CARMIL1: variants seen among roughly 807,000 people sequenced by gnomAD.
CARMIL1 encodes F-actin-uncapping protein LRRC16A.
A neutral mutation model predicts 177.1 loss-of-function variants in CARMIL1; 90 were observed. The observed-to-expected ratio is 0.51, with a 90% confidence interval of 0.43 to 0.61. The LOEUF is 0.61. Ranked by LOEUF, CARMIL1 falls within the 20% of genes least tolerant of loss-of-function variation. The pLI, the probability that CARMIL1 is intolerant of heterozygous loss-of-function variation, is 0.00. For synonymous variants in CARMIL1, 577 were observed against 606.2 expected (o/e 0.95, Z 0.71); for missense variants, 1,380 against 1,667.0 (o/e 0.83, Z 3.00).
intron 33 of CARMIL1, among the ~76,000 whole-genome samples, chr6:25,603,914 A>T (rs1483388206): frequency 2.0e-5 from 3 of 152,084 alleles, no homozygotes; most frequent in South Asian, 2.1e-4. Flanking sequence ...GCAGATTTTT[A>T]AAAAATTTAT....
chr6:25,418,518 A>G (rs964593261), intron 2 of CARMIL1, among the ~76,000 whole-genome samples: 1 of 149,902 alleles, frequency 6.7e-6, no homozygotes, highest in African/African-American at 2.5e-5. Context: ...GCTTTGTCCC[A>G]TTTCCTTGCC....
intron 17 of CARMIL1, among the ~76,000 whole-genome samples, chr6:25,505,833 ATTC>A (rs1804854984): frequency 6.9e-6 from 1 of 145,156 alleles, no homozygotes; most frequent in South Asian, 2.2e-4. Flanking sequence ...CTGGGACTAA[ATTC>A]TTCAAACTTA....
intron 2 of CARMIL1, among the ~76,000 whole-genome samples, chr6:25,351,020 C>G (rs779916670): frequency 1.3e-5 from 2 of 152,132 alleles, no homozygotes; most frequent in Non-Finnish European, 2.9e-5. Flanking sequence ...AGCACTCCCT[C>G]TTTGGATCAT....
chr6:25,514,536 G>A (rs1805779259), intron 20 of CARMIL1, among the ~76,000 whole-genome samples: 1 of 130,098 alleles, frequency 7.7e-6, no homozygotes, highest in African/African-American at 3.0e-5. Flanking sequence ...GGGGGACAGA[G>A]CGAGACCTTG....
chr6:25,574,604 G>T (rs943000993), intron 29 of CARMIL1, among the ~76,000 whole-genome samples: 1 of 152,186 alleles, frequency 6.6e-6, no homozygotes. Context: ...GACACTTCCT[G>T]TTTGTTTTTT....
chr6:25,473,644 G>A (rs1801267803), intron 11 of CARMIL1, among the ~76,000 whole-genome samples: 1 of 152,148 alleles, frequency 6.6e-6, no homozygotes. Context: ...GGCAGAGGTG[G>A]AGAAAAATCC....
At chr6:25,431,150 A>G (rs1443749268) in intron 4 of CARMIL1, among the ~76,000 whole-genome samples, 1 of 151,996 alleles carries the variant, frequency 6.6e-6, no homozygotes, top group Non-Finnish European at 1.5e-5. Context: ...TTTTGGTTCC[A>G]TTGGTTTTCT....
In CARMIL1 at chr6:25,599,842, C is replaced by T. The variant is rs141688246; in HGVS notation, c.3120-472C>T. ...CTGATGACTATCTTGAGTAATGGACCATTTGGAGGTCTGGTTGGTTTCCTC... is the reference window on the plus strand; with the variant it reads ...CTGATGACTATCTTGAGTAATGGACTATTTGGAGGTCTGGTTGGTTTCCTC... On this transcript the variant is annotated intron_variant, in intron 32 of 36. Coordinates refer to ENST00000329474, the MANE Select transcript of CARMIL1 (RefSeq NM_017640.6). Among the ~76,000 whole-genome samples the T allele has an allele frequency of 3.3e-5, 5 of 152,140 alleles. No homozygotes were observed. The East Asian group carries it at 7.7e-4, about 24-fold the overall frequency.
intron 2 of CARMIL1, among the ~76,000 whole-genome samples, chr6:25,304,260 A>T (rs1460913518): frequency 6.6e-6 from 1 of 152,176 alleles, no homozygotes; most frequent in Admixed American, 6.5e-5. Flanking sequence ...CCACTCATAG[A>T]ATGTGCTTAT....
At chr6:25,583,960 C>G (rs1250894685) in intron 31 of CARMIL1, among the ~76,000 whole-genome samples, 1 of 151,464 alleles carries the variant, frequency 6.6e-6, no homozygotes, top group Admixed American at 6.6e-5. Flanking sequence ...TAAGTTTATC[C>G]TTGATAAAAC....
intron 2 of CARMIL1, among the ~76,000 whole-genome samples, chr6:25,340,087 A>T (rs139638405): frequency 6.6e-6 from 1 of 152,304 alleles, no homozygotes; most frequent in African/African-American, 2.4e-5. Context: ...TCCATTGCCC[A>T]TATCCTTAAG....
chr6:25,470,781 C>T (rs764518124), intron 9 of CARMIL1, among the ~76,000 whole-genome samples: 27 of 152,128 alleles, frequency 1.8e-4, no homozygotes, highest in Non-Finnish European at 2.6e-4. Context: ...GCCTCTTTTA[C>T]GAAAGCACTA....
At chr6:25,438,991 G>A (rs1797482030) in intron 5 of CARMIL1, among the ~76,000 whole-genome samples, 1 of 152,114 alleles carries the variant, frequency 6.6e-6, no homozygotes, top group Non-Finnish European at 1.5e-5. Context: ...TAGGTATTAA[G>A]AGAGAGGGTA....
At chr6:25,384,109 G>A (rs1456447263) in intron 2 of CARMIL1, among the ~76,000 whole-genome samples, 1 of 152,186 alleles carries the variant, frequency 6.6e-6, no homozygotes, top group African/African-American at 2.4e-5. Context: ...AAAGTGCTGG[G>A]ATTACAGGCG....
chr6:25,385,761 T>C (rs1792094844), intron 2 of CARMIL1, among the ~76,000 whole-genome samples: 1 of 152,200 alleles, frequency 6.6e-6, no homozygotes. Flanking sequence ...TGGTGCAAAT[T>C]AGTAAGGCTT....
intron 9 of CARMIL1, among the ~76,000 whole-genome samples, chr6:25,468,307 G>A (rs1800807112): frequency 6.6e-6 from 1 of 151,676 alleles, no homozygotes; most frequent in South Asian, 2.1e-4. Flanking sequence ...AGCTTCTTCT[G>A]TTTTGCAATT....
At chr6:25,386,402 G>A (rs1210793830) in intron 2 of CARMIL1, among the ~76,000 whole-genome samples, 1 of 151,990 alleles carries the variant, frequency 6.6e-6, no homozygotes, top group Non-Finnish European at 1.5e-5. Flanking sequence ...ACAGGTGTCT[G>A]CCACCACACC....
intron 10 of CARMIL1, among the ~76,000 whole-genome samples, chr6:25,472,212 T>C (rs542131440): frequency 6.6e-6 from 1 of 152,130 alleles, no homozygotes; most frequent in Non-Finnish European, 1.5e-5. Flanking sequence ...ATATTTTCTT[T>C]TTGCTTTTGG....
rs191825639 is a variant in CARMIL1, at chr6:25,441,866, C to A, written c.371+6262C>A. Among the ~76,000 whole-genome samples the A allele has an allele frequency of 1.7e-3, 250 of 151,468 alleles. 5 individuals carry two copies. The highest frequency in any genetic ancestry group is 3.8e-4 in the Non-Finnish European group (26 of 67,908). On this transcript the variant is annotated intron_variant, in intron 5 of 36. Transcript: ENST00000329474. ...CCTTCAGCTTTTCTACTATCAAGAACCTTGGCTGGTCTCCAAAACAAAGCT... is the reference window on the plus strand; with the variant it reads ...CCTTCAGCTTTTCTACTATCAAGAAACTTGGCTGGTCTCCAAAACAAAGCT...
Sources: allele counts gnomAD v4.1 joint callset (sites outside exome capture counted in the v4.1 genomes callset), GRCh38; gene constraint gnomAD v4.1.1; transcripts MANE v1.5; gene names NCBI Gene and HGNC (gene_info 2026-07-23, HGNC 2026-07-21).